SEMA3A: variants seen among roughly 807,000 people sequenced by gnomAD.
SEMA3A encodes the protein semaphorin-3A.
Under a neutral mutation model 97.9 loss-of-function variants are expected in SEMA3A, and 29 were observed. That is an observed-to-expected ratio of 0.30 (90% CI 0.22 to 0.40). The LOEUF (loss-of-function observed/expected upper bound fraction) is 0.40, where lower values mean the gene tolerates loss of function less well. Among genes scored for constraint, SEMA3A ranks in the 10% least tolerant of loss-of-function variants. The pLI, the probability that SEMA3A is intolerant of heterozygous loss-of-function variation, is 1.00. For synonymous variants in SEMA3A, 321 were observed against 323.7 expected (o/e 0.99, Z 0.09); for missense variants, 763 against 951.3 (o/e 0.80, Z 2.60).
chr7:84,488,351 T>C (rs199842948), intron 1 of SEMA3A, among the ~76,000 whole-genome samples: 2,147 of 136,590 alleles, frequency 0.016, 16 homozygotes, highest in African/African-American at 0.021. Context: ...CACACACACA[T>C]ATATATATGT....
At chr7:83,970,691 C>T (rs1006458351) in intron 15 of SEMA3A, among the ~76,000 whole-genome samples, 1 of 152,018 alleles carries the variant, frequency 6.6e-6, no homozygotes, top group Non-Finnish European at 1.5e-5. Context: ...AAATGAATGC[C>T]AATTATTTTA....
intron 3 of SEMA3A, among the ~76,000 whole-genome samples, chr7:84,122,850 T>A (rs1385934348): frequency 6.6e-6 from 1 of 152,092 alleles, no homozygotes; most frequent in African/African-American, 2.4e-5. Context: ...TATCATATCA[T>A]TAAGAGGAGT....
At chr7:83,998,243 C>T (rs753094360) in intron 12 of SEMA3A, among the ~76,000 whole-genome samples, 2 of 152,138 alleles carry the variant, frequency 1.3e-5, no homozygotes, top group Non-Finnish European at 2.9e-5. Context: ...AGTACACTTA[C>T]CTACTACCTA....
At chr7:84,137,890 T>C (rs917030685) in intron 1 of SEMA3A, among the ~76,000 whole-genome samples, 1 of 152,178 alleles carries the variant, frequency 6.6e-6, no homozygotes, top group African/African-American at 2.4e-5. Context: ...TTTGGAGTTA[T>C]ACAGTTATAA....
chr7:84,267,089 C>T (rs1474665606), intron 3 of SEMA3A, among the ~76,000 whole-genome samples: 1 of 152,024 alleles, frequency 6.6e-6, no homozygotes, highest in Non-Finnish European at 1.5e-5. Flanking sequence ...CCAAAAATCC[C>T]AAATCCAAAA....
At chr7:84,015,164 T>C (rs1403617021) in intron 6 of SEMA3A, among the ~76,000 whole-genome samples, 1 of 152,218 alleles carries the variant, frequency 6.6e-6, no homozygotes, top group African/African-American at 2.4e-5. Flanking sequence ...AATTTATTGA[T>C]TAATCTCTCC....
chr7:84,279,271 C>T (rs146197517), intron 3 of SEMA3A, among the ~76,000 whole-genome samples: 103 of 152,046 alleles, frequency 6.8e-4, no homozygotes, highest in Non-Finnish European at 1.1e-3. Context: ...ATTAAGATAA[C>T]CTAATATCAC....
At chr7:84,129,044 A>G in intron 3 of SEMA3A, 79 bp downstream of exon 3, 1 of 1,127,156 alleles carries the variant, frequency 8.9e-7, no homozygotes, top group Admixed American at 1.7e-5. Flanking sequence ...AAAAATCAGA[A>G]ATTTGAAACA....
At chr7:84,199,104 T>G (rs1798298905), upstream of SEMA3A, among the ~76,000 whole-genome samples, 1 of 152,234 alleles carries the variant, frequency 6.6e-6, no homozygotes, top group Admixed American at 6.5e-5. Flanking sequence ...TTTCCTAATT[T>G]GTGAGATAGC....
intron 6 of SEMA3A, among the ~76,000 whole-genome samples, chr7:84,040,343 C>T (rs1792093639): frequency 6.6e-6 from 1 of 151,678 alleles, no homozygotes; most frequent in African/African-American, 2.4e-5. Flanking sequence ...TGTTGGGGAG[C>T]TCTAGGCTCA....
intron 2 of SEMA3A, among the ~76,000 whole-genome samples, chr7:84,133,887 A>G (rs914513722): frequency 1.3e-4 from 7 of 53,892 alleles, no homozygotes; most frequent in Non-Finnish European, 2.2e-4. Flanking sequence ...CGTCTCTACT[A>G]AAAAAAAAAA....
At chr7:83,994,765 T>G (rs1790133700) in intron 12 of SEMA3A, among the ~76,000 whole-genome samples, 3 of 151,420 alleles carry the variant, frequency 2.0e-5, no homozygotes, top group Admixed American at 2.0e-4. Flanking sequence ...ACTGCTGTCT[T>G]TTTGTTTGTC....
chr7:84,176,422 G>A (rs977583898), intron 1 of SEMA3A, among the ~76,000 whole-genome samples: 5 of 152,080 alleles, frequency 3.3e-5, no homozygotes, highest in African/African-American at 1.2e-4. Context: ...AACATACCAC[G>A]AGTTGGATGT....
At chr7:84,333,469 G>T (rs1801953523) in intron 2 of SEMA3A, among the ~76,000 whole-genome samples, 1 of 152,006 alleles carries the variant, frequency 6.6e-6, no homozygotes, top group African/African-American at 2.4e-5. Flanking sequence ...AACAAGCAAA[G>T]AAACAACACG....
At chr7:84,167,015 T>G (rs1474874206) in intron 1 of SEMA3A, among the ~76,000 whole-genome samples, 1 of 49,362 alleles carries the variant, frequency 2.0e-5, no homozygotes, top group East Asian at 7.7e-4. Flanking sequence ...GTTGAATACT[T>G]GCTGAATGAA....
chr7:83,966,796 C>T, intron 15 of SEMA3A, among the ~76,000 whole-genome samples: 1 of 151,968 alleles, frequency 6.6e-6, no homozygotes, highest in Admixed American at 6.6e-5. Context: ...ACGGCAACCT[C>T]CGCCTCCCGG....
intron 1 of SEMA3A, among the ~76,000 whole-genome samples, chr7:84,450,448 C>A (rs1732323002): frequency 6.6e-6 from 1 of 152,132 alleles, no homozygotes; most frequent in Non-Finnish European, 1.5e-5. Flanking sequence ...CAACTCTTGA[C>A]CTCAGTGACA....
chr7:84,308,583 T>C (rs1444715399), intron 2 of SEMA3A, among the ~76,000 whole-genome samples: 4 of 152,122 alleles, frequency 2.6e-5, no homozygotes, highest in Admixed American at 2.6e-4. Flanking sequence ...AGAGTGACAG[T>C]GAGCTACAGC....
intron 1 of SEMA3A, among the ~76,000 whole-genome samples, chr7:84,175,220 G>A (rs181081557): frequency 1.2e-4 from 18 of 151,928 alleles, no homozygotes; most frequent in Middle Eastern, 3.4e-3. Context: ...CTACTGTCTG[G>A]GTTTGCCATG....
Sources: allele counts gnomAD v4.1 joint callset (sites outside exome capture counted in the v4.1 genomes callset), GRCh38; gene constraint gnomAD v4.1.1; transcripts MANE v1.5; gene names NCBI Gene and HGNC (gene_info 2026-07-23, HGNC 2026-07-21).